BTBD9: variants seen among roughly 807,000 people sequenced by gnomAD.
BTBD9 encodes the protein BTB domain containing 9.
A neutral mutation model predicts 64.3 loss-of-function variants in BTBD9; 49 were observed. The observed-to-expected ratio is 0.76, with a 90% CI of 0.61 to 0.97. The LOEUF (loss-of-function observed/expected upper bound fraction) is 0.97. Ranked by LOEUF, BTBD9 falls within the 50% of genes least tolerant of loss-of-function variation. BTBD9 has a pLI of 0.00. For missense variants in BTBD9, 598 were observed against 762.1 expected (o/e 0.78, Z 2.53); for synonymous variants, 260 against 274.7 (o/e 0.95, Z 0.53).
chr6:38,516,717 A>G (rs1773044081), intron 6 of BTBD9, among the ~76,000 whole-genome samples: 1 of 152,214 alleles, frequency 6.6e-6, no homozygotes. Context: ...GAAAACAGCT[A>G]CTATTACTGT....
intron 6 of BTBD9, among the ~76,000 whole-genome samples, chr6:38,404,898 T>C (rs1437172770): frequency 6.6e-6 from 1 of 152,204 alleles, no homozygotes; most frequent in Non-Finnish European, 1.5e-5. Flanking sequence ...CAGAAATCTC[T>C]TCAGGTTAGA....
intron 6 of BTBD9, among the ~76,000 whole-genome samples, chr6:38,531,798 G>T (rs867327487): frequency 6.6e-5 from 10 of 152,108 alleles, no homozygotes; most frequent in Admixed American, 1.3e-4. Flanking sequence ...TTAAAATAAT[G>T]GGTTATATTA....
intron 8 of BTBD9, among the ~76,000 whole-genome samples, chr6:38,282,737 T>C (rs1412648760): frequency 6.6e-6 from 1 of 152,212 alleles, no homozygotes; most frequent in Non-Finnish European, 1.5e-5. Flanking sequence ...CTGCCGGTGA[T>C]GCTCATCCCC....
chr6:38,461,523 T>A (rs1770085734), intron 6 of BTBD9, among the ~76,000 whole-genome samples: 1 of 152,206 alleles, frequency 6.6e-6, no homozygotes, highest in Non-Finnish European at 1.5e-5. Flanking sequence ...ATTTAGTATT[T>A]TATTGTACAC....
chr6:38,382,398 A>T (rs1211645909), intron 6 of BTBD9, among the ~76,000 whole-genome samples: 1 of 152,040 alleles, frequency 6.6e-6, no homozygotes, highest in Non-Finnish European at 1.5e-5. Flanking sequence ...CTTCCCAAGT[A>T]GCTTTTACAG....
intron 7 of BTBD9, among the ~76,000 whole-genome samples, chr6:38,311,056 C>T (rs2127570583): frequency 6.6e-6 from 1 of 152,334 alleles, no homozygotes; most frequent in Middle Eastern, 3.4e-3. Flanking sequence ...GGTGATCTGA[C>T]TGCCTCGGCC....
At chr6:38,489,502 AT>A (rs371511784) in intron 6 of BTBD9, among the ~76,000 whole-genome samples, 83 of 151,812 alleles carry the variant, frequency 5.5e-4, no homozygotes, top group Admixed American at 2.6e-3. Flanking sequence ...TAATTACAGT[AT>A]TTTTTTTCAC....
At chr6:38,516,458 G>C (rs1773031317) in intron 6 of BTBD9, among the ~76,000 whole-genome samples, 1 of 152,174 alleles carries the variant, frequency 6.6e-6, no homozygotes, top group African/African-American at 2.4e-5. Context: ...ACAAACTACA[G>C]ACCGGCAAAG....
chr6:38,280,869 A>T (rs1387949765), intron 8 of BTBD9, among the ~76,000 whole-genome samples: 2 of 152,230 alleles, frequency 1.3e-5, no homozygotes, highest in Non-Finnish European at 2.9e-5. Flanking sequence ...CTTTAGTTGC[A>T]CTAGCATCTA....
At chr6:38,458,610 C>A (rs1051377531) in intron 6 of BTBD9, among the ~76,000 whole-genome samples, 1 of 152,158 alleles carries the variant, frequency 6.6e-6, no homozygotes, top group African/African-American at 2.4e-5. Context: ...AGATCCCTAA[C>A]AGGAAGAACT....
At chr6:38,518,237 A>T (rs1328239216) in intron 6 of BTBD9, among the ~76,000 whole-genome samples, 1 of 152,126 alleles carries the variant, frequency 6.6e-6, no homozygotes, top group Non-Finnish European at 1.5e-5. Context: ...TGTGTAACAG[A>T]TGTTGTTGCC....
intron 8 of BTBD9, among the ~76,000 whole-genome samples, chr6:38,272,069 T>C (rs1375468113): frequency 6.6e-6 from 1 of 152,138 alleles, no homozygotes; most frequent in East Asian, 1.9e-4. Context: ...ACTGATCAAG[T>C]GCCCAGGAGC....
intron 7 of BTBD9, among the ~76,000 whole-genome samples, chr6:38,289,573 A>G (rs1049402377): frequency 2.0e-5 from 3 of 152,326 alleles, no homozygotes; most frequent in Non-Finnish European, 2.9e-5. Flanking sequence ...TGAAACTCAC[A>G]TAATAGGAAA....
intron 1 of BTBD9, among the ~76,000 whole-genome samples, chr6:38,619,411 A>G (rs2127521651): frequency 6.6e-6 from 1 of 152,346 alleles, no homozygotes; most frequent in Admixed American, 6.5e-5. Flanking sequence ...AAAATGAAGC[A>G]GGCCAATAAC....
intron 7 of BTBD9, among the ~76,000 whole-genome samples, chr6:38,305,242 A>AC (rs1381064966): frequency 6.6e-6 from 1 of 152,166 alleles, no homozygotes; most frequent in Non-Finnish European, 1.5e-5. Flanking sequence ...CTGGGTCTTG[A>AC]CCTAAACATT....
intron 6 of BTBD9, among the ~76,000 whole-genome samples, chr6:38,567,505 C>T (rs1194284165): frequency 6.6e-6 from 1 of 152,192 alleles, no homozygotes; most frequent in Non-Finnish European, 1.5e-5. Flanking sequence ...ATCCACTCCC[C>T]CCACCTTTCT....
At chr6:38,258,522 T>C (rs953436715) in intron 8 of BTBD9, among the ~76,000 whole-genome samples, 6 of 152,264 alleles carry the variant, frequency 3.9e-5, no homozygotes, top group African/African-American at 1.4e-4. Flanking sequence ...TGATTTTTTC[T>C]ATACCATTCA....
chr6:38,629,545 C>T (rs796329564), intron 1 of BTBD9, among the ~76,000 whole-genome samples: 38 of 152,268 alleles, frequency 2.5e-4, no homozygotes, highest in African/African-American at 8.4e-4. Context: ...GTAAATAGGC[C>T]GGGCACGGTG....
intron 7 of BTBD9, among the ~76,000 whole-genome samples, chr6:38,338,913 T>C (rs1763998458): frequency 6.6e-6 from 1 of 152,222 alleles, no homozygotes; most frequent in African/African-American, 2.4e-5. Flanking sequence ...TGCACTGAGA[T>C]ACCATTTCTC....
Sources: allele counts gnomAD v4.1 joint callset (sites outside exome capture counted in the v4.1 genomes callset), GRCh38; gene constraint gnomAD v4.1.1; transcripts MANE v1.5; gene names NCBI Gene and HGNC (gene_info 2026-07-23, HGNC 2026-07-21).